The following AK7 variants were observed in gnomAD, a reference collection of about 807,000 sequenced individuals.
The protein encoded by AK7 is adenylate kinase 7.
AK7 carries 78 observed loss-of-function variants against 96.6 expected under a neutral mutation model. The observed-to-expected ratio is 0.81, with a 90% CI of 0.67 to 0.97. The LOEUF is 0.97. Ranked by LOEUF, AK7 falls within the 50% of genes least tolerant of loss-of-function variation. The pLI, the probability that AK7 is intolerant of heterozygous loss-of-function variation, is 0.00. For synonymous variants in AK7, 302 were observed against 317.2 expected (o/e 0.95, Z 0.51); for missense variants, 855 against 887.9 (o/e 0.96, Z 0.47).
chr14:96,446,377 T>C (rs541875860), intron 7 of AK7, 140 bp from the exon 8 acceptor site: 88 of 681,352 alleles, frequency 1.3e-4, no homozygotes, highest in Non-Finnish European at 2.1e-4. Flanking sequence ...ATCCCAACCC[T>C]GACCGTATTG....
intron 5 of AK7, among the ~76,000 whole-genome samples, chr14:96,430,401 G>T (rs1367556635): frequency 6.6e-6 from 1 of 151,992 alleles, no homozygotes; most frequent in African/African-American, 2.4e-5. Flanking sequence ...TAGCCAGGAT[G>T]GTCTCAATAA....
intron 1 of AK7, among the ~76,000 whole-genome samples, chr14:96,395,987 T>A (rs889368247): frequency 3.3e-5 from 5 of 151,830 alleles, no homozygotes; most frequent in African/African-American, 1.2e-4. Flanking sequence ...AATTTTTGTA[T>A]TTTTAGTAGA....
intron 5 of AK7, among the ~76,000 whole-genome samples, chr14:96,437,053 G>A (rs1240200504): frequency 1.5e-5 from 2 of 131,826 alleles, no homozygotes; most frequent in Middle Eastern, 3.8e-3. Context: ...AGAGAGTAGA[G>A]GCTGAGAAGG....
At chr14:96,457,744 T>G (rs1034008958) in intron 11 of AK7, among the ~76,000 whole-genome samples, 3 of 152,244 alleles carry the variant, frequency 2.0e-5, no homozygotes, top group African/African-American at 7.2e-5. Flanking sequence ...GTAGCTTTCA[T>G]AAATGATTAT....
chr14:96,431,494 T>C (rs899395268), intron 5 of AK7, among the ~76,000 whole-genome samples: 2 of 152,240 alleles, frequency 1.3e-5, no homozygotes, highest in African/African-American at 4.8e-5. Context: ...AACATCTTTA[T>C]TTATGCCTTC....
At chr14:96,487,465 T>C (rs1248874524) in intron 17 of AK7, among the ~76,000 whole-genome samples, 2 of 142,148 alleles carry the variant, frequency 1.4e-5, no homozygotes, top group African/African-American at 5.2e-5. Context: ...AGTCTCACTC[T>C]GTCGTCCAGG....
chr14:96,442,872 T>A, intron 7 of AK7, 54 bp downstream of exon 7: 1 of 1,504,010 alleles, frequency 6.6e-7, no homozygotes, highest in Non-Finnish European at 9.3e-7. Context: ...TGTGTTTGTT[T>A]GTAGCCTAAT....
intron 12 of AK7, among the ~76,000 whole-genome samples, chr14:96,468,073 C>CAAAAAAAAAA (rs35563628): frequency 5.1e-5 from 4 of 79,132 alleles, no homozygotes; most frequent in African/African-American, 1.7e-4. Flanking sequence ...CCCGTCTCTA[C>CAAAAAAAAAA]AAAAAAAAAA....
chr14:96,450,591 T>C (rs1383756581), intron 9 of AK7, among the ~76,000 whole-genome samples: 1 of 151,894 alleles, frequency 6.6e-6, no homozygotes, highest in Non-Finnish European at 1.5e-5. Flanking sequence ...AATAGGGTTT[T>C]TTGCAGTGTG....
At chr14:96,419,789 CT>C (rs5810772) in intron 4 of AK7, among the ~76,000 whole-genome samples, 2,220 of 133,970 alleles carry the variant, frequency 0.017, 18 homozygotes, top group Non-Finnish European at 0.026. Context: ...TCTTTCTTTT[CT>C]TTTTTTTTTT....
intron 2 of AK7, among the ~76,000 whole-genome samples, chr14:96,402,047 AT>A (rs1890438979): frequency 6.6e-6 from 1 of 152,136 alleles, no homozygotes; most frequent in African/African-American, 2.4e-5. Context: ...AGCCCTTCTT[AT>A]AATTTTTTCA....
intron 12 of AK7, among the ~76,000 whole-genome samples, chr14:96,460,588 A>C (rs1266993468): frequency 6.6e-6 from 1 of 152,106 alleles, no homozygotes; most frequent in Non-Finnish European, 1.5e-5. Context: ...GACTGCCTCC[A>C]TGGCCATCAC....
rs6145458 is a variant in AK7 at position 96,418,322 on chromosome 14, T to TAA, written c.499-2486_499-2485dup. 1.6e-3 allele frequency among the ~76,000 whole-genome samples: 68 copies of TAA among 41,824 alleles called. 8 individuals carry two copies. The highest frequency in any genetic ancestry group is 4.5e-3 in the African/African-American group (54 of 11,940). The allele number at this position is 41,824 out of a possible 152,430, so 27.4% of individuals were successfully genotyped here. A position where few individuals can be genotyped will look rare whatever the true frequency, so the allele number is the denominator to read the frequency against. On this transcript the variant is annotated intron_variant, in intron 4 of 17. Transcript: ENST00000267584. Reference sequence around the variant, plus strand: ...CTGGGCAACAGAGTGAGACCTTGTCTAAAAAAAAAAAAAAAGGCTTCAAAT... The same window carrying TAA: ...CTGGGCAACAGAGTGAGACCTTGTCTAAAAAAAAAAAAAAAAAGGCTTCAAAT...
chr14:96,470,426 G>C (rs903780500), intron 12 of AK7, among the ~76,000 whole-genome samples: 2 of 152,174 alleles, frequency 1.3e-5, no homozygotes, highest in African/African-American at 4.8e-5. Context: ...AGGTAAGGAT[G>C]GGGCTGCGTT....
At position 96,488,380 on chromosome 14, in the gene AK7, C is replaced by T. The variant is rs368479318; in HGVS notation, c.*37C>T. The T allele has an allele frequency of 1.8e-5, 28 of 1,583,780 alleles. No homozygotes were observed. The highest frequency in any genetic ancestry group is 2.2e-5 in the Non-Finnish European group (25 of 1,157,382). ...TCTGGTATTATCTACCTTTACAGAA[C>T]CACAGATCACTTATTATACTTTGAA... On this transcript the variant is annotated 3_prime_UTR_variant, in exon 18 of 18. Coordinates refer to ENST00000267584, the MANE Select transcript of AK7 (RefSeq NM_152327.5).
intron 12 of AK7, among the ~76,000 whole-genome samples, chr14:96,465,454 A>G (rs1044229409): frequency 1.3e-5 from 2 of 148,548 alleles, no homozygotes; most frequent in Non-Finnish European, 1.5e-5. Flanking sequence ...CAGAGCGAAG[A>G]CTCCGTTTAA....
At chr14:96,421,073 T>G in intron 5 of AK7, 141 bp downstream of exon 5, 1 of 548,526 alleles carries the variant, frequency 1.8e-6, no homozygotes. Context: ...CTGGCCCAGG[T>G]TCTGGTCCAG....
At chr14:96,415,232 A>G (rs1358812979) in intron 4 of AK7, among the ~76,000 whole-genome samples, 1 of 152,068 alleles carries the variant, frequency 6.6e-6, no homozygotes, top group South Asian at 2.1e-4. Context: ...AGGTGGGAGG[A>G]TCACTTGAGC....
chr14:96,473,622 C>A (rs1045562400), intron 14 of AK7, among the ~76,000 whole-genome samples: 7 of 151,870 alleles, frequency 4.6e-5, no homozygotes, highest in African/African-American at 1.7e-4. Flanking sequence ...CATTCTCAAG[C>A]ATAAACTTGC....
Sources: allele counts gnomAD v4.1 joint callset (sites outside exome capture counted in the v4.1 genomes callset), GRCh38; gene constraint gnomAD v4.1.1; transcripts MANE v1.5; gene names NCBI Gene and HGNC (gene_info 2026-07-23, HGNC 2026-07-21).